COMMD1: variants seen among roughly 807,000 people sequenced by gnomAD.
COMMD1 encodes the protein COMM domain-containing protein 1.
A neutral mutation model predicts 17.2 loss-of-function variants in COMMD1; 10 were observed. The observed-to-expected ratio is 0.58, with a 90% CI of 0.36 to 0.99. COMMD1 has a LOEUF of 0.99. COMMD1 is among the 50% of genes least tolerant of loss of function. The pLI, the probability that COMMD1 is intolerant of heterozygous loss-of-function variation, is 0.01. For synonymous variants in COMMD1, 97 were observed against 91.6 expected (o/e 1.06, Z -0.34); for missense variants, 270 against 231.8 (o/e 1.17, Z -1.07).
At chr2:62,068,593 G>C (rs1292626457) in intron 2 of COMMD1, among the ~76,000 whole-genome samples, 1 of 151,236 alleles carries the variant, frequency 6.6e-6, no homozygotes, top group Non-Finnish European at 1.5e-5. Context: ...GAAGGTGCAG[G>C]GGCTTCAAAG....
intron 2 of COMMD1, among the ~76,000 whole-genome samples, chr2:62,007,857 G>A (rs1240230050): frequency 1.3e-5 from 2 of 152,108 alleles, no homozygotes; most frequent in Non-Finnish European, 2.9e-5. Context: ...TAGTAAATAA[G>A]GAGTAAGAAT....
chr2:61,969,399 C>A (rs921400538), intron 1 of COMMD1, among the ~76,000 whole-genome samples: 1 of 152,024 alleles, frequency 6.6e-6, no homozygotes, highest in Non-Finnish European at 1.5e-5. Flanking sequence ...CAATAGTCAC[C>A]AGAGGCAAAT....
At chr2:62,100,202 G>A (rs1672138070) in intron 2 of COMMD1, 1 of 152,118 alleles carries the variant, frequency 6.6e-6, no homozygotes, top group South Asian at 2.1e-4. Flanking sequence ...TTCACCAGAG[G>A]AGAAGCTAGA....
Position 62,000,805 on chromosome 2 carries a change from C to T in COMMD1, c.285C>T (p.Ser95=). ...GITSDQAAVI[S]KFWKSHKTKI... ...CATCTGACCAAGCTGCTGTCATTTC[C>T]AAATTCTGGAAGAGCCACAAGACAA... Residue 95 remains serine (S), a synonymous_variant, in exon 2 of 3, where the codon TCC becomes TCT. Transcript: ENST00000311832. 1 of 1,614,106 alleles carries T rather than the reference C, an allele frequency of 6.2e-7. No individual in the cohort carries two copies. The highest frequency in any genetic ancestry group is 8.5e-7 in the Non-Finnish European group (1 of 1,180,024).
At chr2:61,949,220 T>G (rs1267820070) in intron 1 of COMMD1, among the ~76,000 whole-genome samples, 1 of 152,158 alleles carries the variant, frequency 6.6e-6, no homozygotes, top group Non-Finnish European at 1.5e-5. Flanking sequence ...GAGCATATAG[T>G]CAGCAGGGTT....
rs1240946542 is a variant in COMMD1, at chr2:62,000,838, T to TGA, written c.322_323dup (p.Ser108ArgfsTer4). On this transcript the variant is annotated frameshift_variant, in exon 2 of 3. Coordinates refer to ENST00000311832, the MANE Select transcript of COMMD1 (RefSeq NM_152516.4). LOFTEE classifies it high-confidence loss of function. ...GGAAGAGCCACAAGACAAAAATCCG[T>TGA]GAGAGCCTCATGAACCAGAGCCGCT... The TGA allele has an allele frequency of 6.2e-7, 1 of 1,613,992 alleles. No individual in the cohort carries two copies. The highest frequency in any genetic ancestry group is 1.3e-5 in the African/African-American group (1 of 74,900).
At chr2:61,966,621 C>A (rs1671512290) in intron 1 of COMMD1, among the ~76,000 whole-genome samples, 1 of 151,824 alleles carries the variant, frequency 6.6e-6, no homozygotes, top group African/African-American at 2.4e-5. Flanking sequence ...TAAATAGAAG[C>A]CTTATTATTT....
intron 2 of COMMD1, among the ~76,000 whole-genome samples, chr2:62,123,204 T>A (rs891897285): frequency 6.6e-6 from 1 of 151,158 alleles, no homozygotes; most frequent in Non-Finnish European, 1.5e-5. Context: ...AAAAAAATAC[T>A]TTTTAAAAAG....
At chr2:62,086,769 G>T (rs921362018) in intron 2 of COMMD1, among the ~76,000 whole-genome samples, 13 of 151,956 alleles carry the variant, frequency 8.6e-5, no homozygotes, top group African/African-American at 2.9e-4. Flanking sequence ...TTTGGGTGCA[G>T]TTTACTTATA....
intron 2 of COMMD1, among the ~76,000 whole-genome samples, chr2:62,075,020 G>C (rs1233437618): frequency 6.6e-6 from 1 of 150,966 alleles, no homozygotes; most frequent in African/African-American, 2.4e-5. Context: ...CTCCCTAGTA[G>C]CTGGAACTAC....
chr2:61,911,637 A>G (rs1386463054), intron 1 of COMMD1, among the ~76,000 whole-genome samples: 1 of 152,148 alleles, frequency 6.6e-6, no homozygotes, highest in Non-Finnish European at 1.5e-5. Context: ...CCTAGATCCT[A>G]TTTTAGAAGT....
intron 2 of COMMD1, among the ~76,000 whole-genome samples, chr2:62,022,959 T>G (rs1460711579): frequency 6.6e-6 from 1 of 152,102 alleles, no homozygotes; most frequent in Admixed American, 6.6e-5. Flanking sequence ...ACTTTAAAAA[T>G]CTCACACCTG....
intron 1 of COMMD1, among the ~76,000 whole-genome samples, chr2:61,948,552 C>T (rs916162021): frequency 6.6e-6 from 1 of 152,140 alleles, no homozygotes; most frequent in African/African-American, 2.4e-5. Context: ...ATGACTTTCA[C>T]TCTAAAAATT....
At chr2:61,915,679 T>A (rs1319703762) in intron 1 of COMMD1, 1 of 453,634 alleles carries the variant, frequency 2.2e-6, no homozygotes, top group South Asian at 1.6e-5. Context: ...TATCTTTTTT[T>A]AGAGACAGAA....
intron 1 of COMMD1, among the ~76,000 whole-genome samples, chr2:61,930,654 T>TGTGTGA (rs1421330703): frequency 2.9e-4 from 41 of 143,796 alleles, no homozygotes; most frequent in Admixed American, 1.2e-3. Context: ...TGTGTGTGTG[T>TGTGTGA]GTGAGTGAGT....
chr2:62,120,676 C>T (rs527588174), intron 2 of COMMD1, among the ~76,000 whole-genome samples: 2 of 152,150 alleles, frequency 1.3e-5, no homozygotes, highest in African/African-American at 4.8e-5. Flanking sequence ...ATTTTTTAAC[C>T]AAATTTCTTT....
At chr2:61,932,096 T>C (rs1174952615) in intron 1 of COMMD1, among the ~76,000 whole-genome samples, 1 of 152,288 alleles carries the variant, frequency 6.6e-6, no homozygotes, top group East Asian at 1.9e-4. Context: ...CTGTCCTCAA[T>C]TGACACCCCT....
chr2:61,971,059 C>CCG (rs371281855), intron 1 of COMMD1, among the ~76,000 whole-genome samples: 371 of 152,240 alleles, frequency 2.4e-3, no homozygotes, highest in African/African-American at 8.4e-3. Context: ...CAAGCATGTG[C>CCG]CGCCATGCCC....
intron 2 of COMMD1, among the ~76,000 whole-genome samples, chr2:62,057,685 T>A (rs1558580484): frequency 6.6e-6 from 1 of 152,048 alleles, no homozygotes. Context: ...TCCTCCTGCT[T>A]CAGCCTCCCG....
Sources: gnomAD v4.1 joint callset for allele counts (sites outside exome capture counted in the v4.1 genomes callset) on GRCh38, gnomAD v4.1.1 for gene constraint, MANE v1.5 for transcripts, NCBI Gene and HGNC (gene_info 2026-07-23, HGNC 2026-07-21) for gene names.